LRIG3: variants seen among roughly 807,000 people sequenced by gnomAD.
LRIG3 encodes leucine rich repeats and immunoglobulin like domains 3, also known as leucine-rich repeats and immunoglobulin-like domains protein 3.
LRIG3 carries 76 observed loss-of-function variants against 114.5 expected under a neutral mutation model. The ratio of observed to expected loss-of-function variants is 0.66; its 90% CI spans 0.55 to 0.80. The LOEUF is 0.80. LRIG3 is among the 30% of genes least tolerant of loss of function. The probability of loss-of-function intolerance (pLI) is 0.00; values close to 1 mark genes in which losing one functional copy is unlikely to be tolerated. For synonymous variants in LRIG3, 512 were observed against 519.8 expected, an observed-to-expected ratio of 0.98 and a Z score of 0.20; for missense variants, 1,239 against 1,382.8, an observed-to-expected ratio of 0.90 and a Z score of 1.65.
At position 58,890,000 on chromosome 12, in the gene LRIG3, G is replaced by A; in HGVS notation, c.655C>T (p.His219Tyr). 6.2e-7 allele frequency: 1 copy of A among 1,613,436 alleles called. No homozygotes were observed. The highest frequency in any genetic ancestry group is 8.5e-7 in the Non-Finnish European group (1 of 1,179,602). Residue 219 changes from histidine to tyrosine, a missense_variant, in exon 5 of 19, where the codon CAT becomes TAT. Coordinates refer to ENST00000320743, the MANE Select transcript of LRIG3 (RefSeq NM_153377.5). ...CTAAGAGGACATTTTACTTACAGAT[G>A]TTGCAGTTGGGGCAGTTTAAACATC... The part of the protein sequence containing the change: ...PKMFKLPQLQ[H>Y]LELNRNKIKN...
At chr12:58,895,958 C>G (rs890034924) in intron 3 of LRIG3, among the ~76,000 whole-genome samples, 9 of 152,290 alleles carry the variant, frequency 5.9e-5, no homozygotes, top group African/African-American at 1.7e-4. Context: ...CCCAGTTCAG[C>G]TCTACTGGAG....
At chr12:58,904,055 T>C (rs1871971570) in intron 3 of LRIG3, among the ~76,000 whole-genome samples, 1 of 152,168 alleles carries the variant, frequency 6.6e-6, no homozygotes, top group South Asian at 2.1e-4. Flanking sequence ...GCGGGCTCTT[T>C]TTTGGTTCCA....
At position 58,874,262 on chromosome 12, in the gene LRIG3, A is replaced by C; in HGVS notation, c.2908T>G (p.Cys970Gly). 6.2e-7 allele frequency: 1 copy of C among 1,614,022 alleles called. No homozygotes were observed. The highest frequency in any genetic ancestry group is 8.5e-7 in the Non-Finnish European group (1 of 1,179,984). Residue 970 changes from cysteine (C) to glycine (G), a missense_variant, in exon 18 of 19, where the codon TGC becomes GGC. Physicochemically the swap from Cys to Gly is radical, Grantham distance 159 (BLOSUM62 -3). Transcript: ENST00000320743. The stretch of plus-strand genomic sequence containing the variant: ...TCTGAAGGATGAGAACATGGGTAGC[A>C]CTCCTTTTTCTTTATGTAACTGGGC... ...YEPSYIKKKECYPCSHPSEES... is the reference protein window; with the variant it reads ...YEPSYIKKKEGYPCSHPSEES...
At chr12:58,908,397 G>T (rs1231700300) in intron 3 of LRIG3, among the ~76,000 whole-genome samples, 1 of 152,160 alleles carries the variant, frequency 6.6e-6, no homozygotes, top group Non-Finnish European at 1.5e-5. Flanking sequence ...TCAGAAATGT[G>T]AAGGGCACAG....
chr12:58,891,708 A>G (rs765525643), intron 3 of LRIG3, among the ~76,000 whole-genome samples: 1 of 152,212 alleles, frequency 6.6e-6, no homozygotes, highest in African/African-American at 2.4e-5. Context: ...CAGCCCTTTC[A>G]ATAGTACAAA....
At position 58,890,043 on chromosome 12, in the gene LRIG3, G is replaced by C. The variant is rs780470271; in HGVS notation, c.612C>G (p.Ile204Met). The C allele has an allele frequency of 6.2e-7, 1 of 1,613,904 alleles. No homozygotes were observed. Among genetic ancestry groups the C allele is most frequent in the Admixed American group, 1.7e-5 (1 of 60,014 alleles). Residue 204 changes from isoleucine (I) to methionine (M), a missense_variant, in exon 5 of 19, where the codon ATC becomes ATG. Coordinates refer to ENST00000320743, the MANE Select transcript of LRIG3 (RefSeq NM_153377.5). ...LLVLKLNRNR[I>M]SAIPPKMFKL... ...TAAACATCTTGGGTGGGATAGCTGAGATTCGGTTCCTGTTCAGCTTTAACA... is the reference window on the plus strand; with the variant it reads ...TAAACATCTTGGGTGGGATAGCTGACATTCGGTTCCTGTTCAGCTTTAACA...
At chr12:58,909,802 T>A (rs1025790068) in intron 3 of LRIG3, among the ~76,000 whole-genome samples, 1 of 152,254 alleles carries the variant, frequency 6.6e-6, no homozygotes, top group Non-Finnish European at 1.5e-5. Flanking sequence ...AGCTTTACTT[T>A]TAATCACTGT....
At position 58,892,097 on chromosome 12, in the gene LRIG3, T is replaced by C. The variant is rs76860175; in HGVS notation, c.384-1301A>G. On this transcript the variant is annotated intron_variant, in intron 3 of 18. Transcript: ENST00000320743. The stretch of plus-strand genomic sequence containing the variant: ...CTTCAAAAGTCATCAATCAATATAG[T>C]AACTCCCAAGGGAAAATGCAGCATT... Among the ~76,000 whole-genome samples the C allele has an allele frequency of 5.5e-3, 836 of 151,754 alleles. 7 individuals carry two copies. Among genetic ancestry groups the C allele is most frequent in the Middle Eastern group, 6.9e-3 (2 of 288 alleles).
chr12:58,913,869 C>A, intron 3 of LRIG3, 113 bp downstream of exon 3: 2 of 867,934 alleles, frequency 2.3e-6, no homozygotes, highest in South Asian at 1.8e-5. Context: ...TTTACTATGC[C>A]CTGAAAAAAA....
intron 3 of LRIG3, among the ~76,000 whole-genome samples, chr12:58,912,236 C>T (rs1390158740): frequency 1.3e-5 from 2 of 152,194 alleles, no homozygotes; most frequent in East Asian, 1.9e-4. Context: ...GTGGCTCACA[C>T]CTGCAATCCC....
chr12:58,903,086 A>G (rs1871927003), intron 3 of LRIG3, among the ~76,000 whole-genome samples: 1 of 152,216 alleles, frequency 6.6e-6, no homozygotes, highest in Non-Finnish European at 1.5e-5. Context: ...GTATATACCC[A>G]GTAATGGGAT....
chr12:58,902,424 T>G (rs536329643), intron 3 of LRIG3, among the ~76,000 whole-genome samples: 1 of 152,322 alleles, frequency 6.6e-6, no homozygotes, highest in East Asian at 1.9e-4. Flanking sequence ...AATGTTACCT[T>G]AATATTTCAT....
chr12:58,898,209 C>T (rs1871712539), intron 3 of LRIG3, among the ~76,000 whole-genome samples: 1 of 151,960 alleles, frequency 6.6e-6, no homozygotes, highest in Admixed American at 6.5e-5. Context: ...AACTACAGCT[C>T]CCCAGAGAGG....
chr12:58,905,962 G>C (rs1461385990), intron 3 of LRIG3, among the ~76,000 whole-genome samples: 1 of 152,132 alleles, frequency 6.6e-6, no homozygotes, highest in Non-Finnish European at 1.5e-5. Context: ...TATAAGCACA[G>C]AAAATGAACT....
In LRIG3 at chr12:58,879,091, T is replaced by C; in HGVS notation, c.1816A>G (p.Thr606Ala). ...ATGGTGAGATCCATGGGGGTCTTGG[T>C]GAATGAGGGAAGCACTGAAATCAGA... ...KLTVNMLPSFTKTPMDLTIRA... is the reference protein window; with the variant it reads ...KLTVNMLPSFAKTPMDLTIRA... The change falls in exon 14 of 19, where the codon ACC (threonine) becomes GCC (alanine). Residue 606 changes from threonine to alanine, a missense_variant. By Grantham distance (58) the Thr-to-Ala change is moderately conservative (BLOSUM62 0). Transcript: ENST00000320743. 1 of 1,611,948 alleles carries C rather than the reference T, an allele frequency of 6.2e-7. No homozygotes were observed. The highest frequency in any genetic ancestry group is 1.3e-5 in the African/African-American group (1 of 74,960).
intron 3 of LRIG3, among the ~76,000 whole-genome samples, chr12:58,896,611 G>A (rs149375722): frequency 6.3e-4 from 96 of 152,338 alleles, no homozygotes; most frequent in African/African-American, 2.3e-3. Flanking sequence ...TTTAGAGAAG[G>A]TATCTGCATG....
chr12:58,885,908 GA>G lies in LRIG3; in HGVS notation c.1173-7del. ...TCCGATTTCCTTGGAGTATCCTGGG[GA>G]AAAAAATTACATTGGAGCACTTAAT... On this transcript the variant is annotated splice_region_variant and splice_polypyrimidine_tract_variant and intron_variant, in intron 9 of 18. Transcript: ENST00000320743. The G allele has an allele frequency of 1.1e-5, 17 of 1,571,074 alleles. No individual in the cohort carries two copies. Among genetic ancestry groups the G allele is most frequent in the East Asian group, 4.7e-5 (2 of 42,816 alleles).
At chr12:58,919,683 T>G (rs537857561) in intron 1 of LRIG3, 1 of 1,125,858 alleles carries the variant, frequency 8.9e-7, no homozygotes, top group Non-Finnish European at 1.2e-6. Flanking sequence ...GAGCAAGCAT[T>G]TGAACCCCTT....
intron 16 of LRIG3, among the ~76,000 whole-genome samples, chr12:58,875,528 G>A (rs1234637158): frequency 6.6e-6 from 1 of 152,124 alleles, no homozygotes; most frequent in African/African-American, 2.4e-5. Flanking sequence ...GAATAACATC[G>A]ATGGCTTCCA....
Sources: gnomAD v4.1 joint callset for allele counts (sites outside exome capture counted in the v4.1 genomes callset) on GRCh38, gnomAD v4.1.1 for gene constraint, MANE v1.5 for transcripts, NCBI Gene and HGNC (gene_info 2026-07-23, HGNC 2026-07-21) for gene names.